Variants in PYGO1 observed in about 807,000 individuals in gnomAD.
The protein encoded by PYGO1 is pygopus homolog 1.
A neutral mutation model predicts 29.5 loss-of-function variants in PYGO1; 6 were observed. The ratio of observed to expected loss-of-function variants is 0.20; its 90% CI spans 0.11 to 0.40. The LOEUF is 0.40. Among genes scored for constraint, PYGO1 ranks in the 10% least tolerant of loss-of-function variants. PYGO1 has a pLI of 1.00. For missense variants in PYGO1, 515 were observed against 514.9 expected, an observed-to-expected ratio of 1.00 and a Z score of 0.00; for synonymous variants, 186 against 180.5, an observed-to-expected ratio of 1.03 and a Z score of -0.24.
At position 55,587,994 on chromosome 15, in the gene PYGO1, C is replaced by T. The variant is rs1415072947; in HGVS notation, c.-111G>A. 2.9e-6 allele frequency: 4 copies of T among 1,382,254 alleles called. No individual in the cohort carries two copies. The East Asian group carries it at 1.3e-4, about 45-fold the overall frequency. 85.6% of individuals were successfully genotyped at this position (1,382,254 alleles called of 1,614,324 possible). A position where few individuals can be genotyped will look rare whatever the true frequency, so the allele number is the denominator to read the frequency against. Reference sequence around the variant, plus strand: ...GCCGCTGCGGCTGCGAGGCAAGCCTCGGAGCCGAGGCACGGCCGAGGGCGG... The same window carrying T: ...GCCGCTGCGGCTGCGAGGCAAGCCTTGGAGCCGAGGCACGGCCGAGGGCGG... On this transcript the variant is annotated 5_prime_UTR_variant, in exon 1 of 3. Transcript: ENST00000563719.
chr15:55,541,987 C>G lies in PYGO1; in HGVS notation c.*4036G>C, dbSNP rs1030437414. On this transcript the variant is annotated 3_prime_UTR_variant, in exon 3 of 3. Transcript: ENST00000563719. Reference sequence around the variant, plus strand: ...CTATTTACAAATGAACTTAGGGAGCCTGATGCCTTTAAATTTTTTTTTAAT... The same window carrying G: ...CTATTTACAAATGAACTTAGGGAGCGTGATGCCTTTAAATTTTTTTTTAAT... 6.6e-6 allele frequency: 1 copy of G among 152,042 alleles called. No homozygotes were observed. Among genetic ancestry groups the G allele is most frequent in the Non-Finnish European group, 1.5e-5 (1 of 68,002 alleles). 9.4% of individuals were successfully genotyped at this position (152,042 alleles called of 1,614,324 possible).
In PYGO1 at chr15:55,544,975, G is replaced by C. The variant is rs1185944596; in HGVS notation, c.*1048C>G. 1 of 152,104 alleles carries C rather than the reference G, an allele frequency of 6.6e-6. No homozygotes were observed. The highest frequency in any genetic ancestry group is 1.9e-4 in the East Asian group (1 of 5,188). 9.4% of individuals were successfully genotyped at this position (152,104 alleles called of 1,614,324 possible). On this transcript the variant is annotated 3_prime_UTR_variant, in exon 3 of 3. Transcript: ENST00000563719. The stretch of plus-strand genomic sequence containing the variant: ...GTCTGCTGCAAGGCTTCAAATTGTT[G>C]TTTGCAAGTTAGATTTCACTTTGGC...
rs2058829859 is a variant in PYGO1, at chr15:55,542,033, A to G, written c.*3990T>C. The G allele has an allele frequency of 1.3e-5, 2 of 152,226 alleles. No individual in the cohort carries two copies. The highest frequency in any genetic ancestry group is 4.1e-4 in the South Asian group (2 of 4,834). 9.4% of individuals were successfully genotyped at this position (152,226 alleles called of 1,614,324 possible). ...TTAATTGAAAAAGATATAAAACAGC[A>G]CAAATGTCCATGCATAAGAAACCTC... is the stretch of plus-strand genomic sequence containing the variant. On this transcript the variant is annotated 3_prime_UTR_variant, in exon 3 of 3. Coordinates refer to ENST00000563719, the MANE Select transcript of PYGO1 (RefSeq NM_001367806.1).
Position 55,544,172 on chromosome 15 carries a change from T to G in PYGO1, c.*1851A>C, listed in dbSNP as rs929901672. ...AAACCTTGTATTACCTTGTACCATA[T>G]GAAATTGCTGTTTTTGTAGGTCAAA... is the stretch of plus-strand genomic sequence containing the variant. On this transcript the variant is annotated 3_prime_UTR_variant, in exon 3 of 3. Transcript: ENST00000563719. 1.3e-5 allele frequency: 2 copies of G among 152,196 alleles called. No individual in the cohort carries two copies. Among genetic ancestry groups the G allele is most frequent in the African/African-American group, 4.8e-5 (2 of 41,456 alleles). The allele number at this position is 152,196 out of a possible 1,614,324, so 9.4% of individuals were successfully genotyped here. A position where few individuals can be genotyped will look rare whatever the true frequency, so the allele number is the denominator to read the frequency against.
At position 55,543,920 on chromosome 15, in the gene PYGO1, A is replaced by C. The variant is rs1421719350; in HGVS notation, c.*2103T>G. 1 of 152,172 alleles carries C rather than the reference A, an allele frequency of 6.6e-6. No homozygotes were observed. Among genetic ancestry groups the C allele is most frequent in the Non-Finnish European group, 1.5e-5 (1 of 68,010 alleles). The allele number at this position is 152,172 out of a possible 1,614,324, so 9.4% of individuals were successfully genotyped here. A position where few individuals can be genotyped will look rare whatever the true frequency, so the allele number is the denominator to read the frequency against. On this transcript the variant is annotated 3_prime_UTR_variant, in exon 3 of 3. Coordinates refer to ENST00000563719, the MANE Select transcript of PYGO1 (RefSeq NM_001367806.1). Reference sequence around the variant, plus strand: ...CATTTAGAGAAATATGTATAATAAAAAATCCAAGTAAAATGAGATCTTCAA... The same window carrying C: ...CATTTAGAGAAATATGTATAATAAACAATCCAAGTAAAATGAGATCTTCAA...
At chr15:55,578,766 T>A (rs1328937470) in intron 1 of PYGO1, among the ~76,000 whole-genome samples, 2 of 152,220 alleles carry the variant, frequency 1.3e-5, no homozygotes, top group Non-Finnish European at 2.9e-5. Flanking sequence ...GCTACAAGAT[T>A]TGCAAACATT....
At chr15:55,568,320 CTGTGTGTGTG>C (rs58177433) in intron 1 of PYGO1, among the ~76,000 whole-genome samples, 115 of 125,908 alleles carry the variant, frequency 9.1e-4, no homozygotes, top group African/African-American at 2.5e-3. Flanking sequence ...TTCCTAGGTA[CTGTGTGTGTG>C]TGTGTGTGTG....
chr15:55,583,571 T>C (rs12906506), intron 1 of PYGO1, among the ~76,000 whole-genome samples: 62,258 of 151,972 alleles, frequency 0.41, 12,984 homozygotes, highest in Middle Eastern at 0.5. Context: ...GGCTGGAGTG[T>C]CTTGGTGTGA....
chr15:55,562,758 A>G (rs1004758982), intron 1 of PYGO1, among the ~76,000 whole-genome samples: 1 of 152,132 alleles, frequency 6.6e-6, no homozygotes, highest in African/African-American at 2.4e-5. Flanking sequence ...ATGCTCATCA[A>G]TGATAAAGAA....
In PYGO1 at chr15:55,546,716, T is replaced by C. The variant is rs2058852918; in HGVS notation, c.567A>G (p.Pro189=). 1 of 1,614,014 alleles carries C rather than the reference T, an allele frequency of 6.2e-7. No homozygotes were observed. Among genetic ancestry groups the C allele is most frequent in the Non-Finnish European group, 8.5e-7 (1 of 1,179,906 alleles). Residue 189 remains proline (P), a synonymous_variant, in exon 3 of 3, where the codon CCA becomes CCG. Transcript: ENST00000563719. ...GGTTAGAAACTTGGCTAGCATTCTGTGGAGGAATTTGACTGAAATTTTCAG... is the reference window on the plus strand; with the variant it reads ...GGTTAGAAACTTGGCTAGCATTCTGCGGAGGAATTTGACTGAAATTTTCAG... The part of the protein sequence containing the change: ...NPAENFSQIP[P]QNASQVSNPD...
chr15:55,553,223 G>A (rs189027806), intron 1 of PYGO1, among the ~76,000 whole-genome samples: 1 of 152,182 alleles, frequency 6.6e-6, no homozygotes, highest in East Asian at 1.9e-4. Flanking sequence ...TATACAAGCA[G>A]AACTCTGAAC....
chr15:55,588,878 G>A (rs138787258), upstream of PYGO1: 3 of 1,612,384 alleles, frequency 1.9e-6, no homozygotes, highest in African/African-American at 1.3e-5. Flanking sequence ...CCCCGACTCC[G>A]TGTCCGCGTG....
At chr15:55,555,184 C>T (rs1413309880) in intron 1 of PYGO1, among the ~76,000 whole-genome samples, 7 of 152,058 alleles carry the variant, frequency 4.6e-5, no homozygotes, top group Admixed American at 1.3e-4. Context: ...CTACATGCCA[C>T]AAGGGATTGA....
chr15:55,564,676 T>C (rs1404287921), intron 1 of PYGO1, among the ~76,000 whole-genome samples: 1 of 152,200 alleles, frequency 6.6e-6, no homozygotes, highest in Non-Finnish European at 1.5e-5. Context: ...TAAAAACCAC[T>C]GAAATGTATA....
intron 1 of PYGO1, among the ~76,000 whole-genome samples, chr15:55,584,073 G>C (rs569976156): frequency 3.4e-5 from 5 of 148,788 alleles, no homozygotes; most frequent in African/African-American, 1.2e-4. Flanking sequence ...TCCTGTACTA[G>C]ACTTAACAAT....
intron 1 of PYGO1, among the ~76,000 whole-genome samples, chr15:55,549,317 T>G (rs1275116976): frequency 6.6e-6 from 1 of 152,138 alleles, no homozygotes; most frequent in East Asian, 1.9e-4. Flanking sequence ...CCAAAGATAA[T>G]CTAGATATAT....
At chr15:55,547,906 T>A (rs148462274) in intron 2 of PYGO1, among the ~76,000 whole-genome samples, 1 of 152,276 alleles carries the variant, frequency 6.6e-6, no homozygotes, top group Non-Finnish European at 1.5e-5. Context: ...ACTATTATAG[T>A]TGAACAATTA....
chr15:55,549,065 T>A, intron 1 of PYGO1, 70 bp from the exon 2 acceptor site: 4 of 1,155,372 alleles, frequency 3.5e-6, no homozygotes, highest in Admixed American at 2.2e-5. Flanking sequence ...CATAGTAATA[T>A]CTATTATATT....
intron 1 of PYGO1, among the ~76,000 whole-genome samples, chr15:55,564,793 G>A (rs1002558961): frequency 3.9e-5 from 6 of 152,166 alleles, no homozygotes; most frequent in Non-Finnish European, 8.8e-5. Flanking sequence ...TCAAAAATCA[G>A]AAATTGGGCT....
Sources: allele counts gnomAD v4.1 joint callset (sites outside exome capture counted in the v4.1 genomes callset), GRCh38; gene constraint gnomAD v4.1.1; transcripts MANE v1.5; gene names NCBI Gene and HGNC (gene_info 2026-07-23, HGNC 2026-07-21).